RNF111: variants seen among roughly 807,000 people sequenced by gnomAD.
RNF111 encodes E3 ubiquitin-protein ligase Arkadia.
RNF111 carries 17 observed loss-of-function variants against 95.1 expected under a neutral mutation model. The observed-to-expected ratio is 0.18, with a 90% CI of 0.12 to 0.27. The LOEUF is 0.27. Ranked by LOEUF, RNF111 falls within the 10% of genes least tolerant of loss-of-function variation. The pLI is 1.00. For synonymous variants in RNF111, 440 were observed against 414.8 expected (o/e 1.06, Z -0.74); for missense variants, 1,189 against 1,210.4 (o/e 0.98, Z 0.26).
chr15:59,078,401 C>G (rs1596291082), intron 7 of RNF111, among the ~76,000 whole-genome samples: 1 of 151,932 alleles, frequency 6.6e-6, no homozygotes, highest in Non-Finnish European at 1.5e-5. Flanking sequence ...TAAGGCCTGG[C>G]TTGGTAGTAT....
intron 1 of RNF111, among the ~76,000 whole-genome samples, chr15:59,021,984 C>T (rs1173850211): frequency 2.6e-5 from 4 of 152,016 alleles, no homozygotes; most frequent in East Asian, 1.9e-4. Flanking sequence ...CTCAGCCTCC[C>T]GAGTAGCTGG....
At chr15:59,005,552 C>G (rs566484337) in intron 1 of RNF111, among the ~76,000 whole-genome samples, 21 of 152,254 alleles carry the variant, frequency 1.4e-4, no homozygotes, top group African/African-American at 4.8e-4. Context: ...GTTACTCCAA[C>G]CTTTGCTTTG....
chr15:59,054,140 T>C (rs1480650368), intron 3 of RNF111, among the ~76,000 whole-genome samples: 4 of 152,082 alleles, frequency 2.6e-5, no homozygotes, highest in African/African-American at 9.7e-5. Flanking sequence ...GGTTTCAGCA[T>C]ATTAGCCAGG....
intron 2 of RNF111, among the ~76,000 whole-genome samples, 186 bp downstream of exon 2, chr15:59,031,888 A>G (rs1487254062): frequency 6.6e-6 from 1 of 152,202 alleles, no homozygotes; most frequent in Non-Finnish European, 1.5e-5. Context: ...AAAAATTTAA[A>G]AAATTTCTAG....
intron 7 of RNF111, 98 bp from the exon 8 acceptor site, chr15:59,080,838 A>G: frequency 1.0e-6 from 1 of 952,986 alleles, no homozygotes; most frequent in Non-Finnish European, 1.6e-6. Flanking sequence ...TAAAAATAAA[A>G]TACTAATATG....
At chr15:59,005,427 C>T (rs1224707380) in intron 1 of RNF111, among the ~76,000 whole-genome samples, 1 of 152,210 alleles carries the variant, frequency 6.6e-6, no homozygotes, top group Admixed American at 6.5e-5. Context: ...TATTGGACTT[C>T]ATTCAAAGAG....
chr15:58,992,313 G>A (rs970059199), intron 1 of RNF111, among the ~76,000 whole-genome samples: 2 of 152,116 alleles, frequency 1.3e-5, no homozygotes, highest in Admixed American at 1.3e-4. Context: ...CCAAAGTGCT[G>A]GGATTACAGA....
Position 59,011,588 on chromosome 15 carries a change from C to A in RNF111, c.-19-19216C>A, listed in dbSNP as rs143313414. On this transcript the variant is annotated intron_variant, in intron 1 of 13. Coordinates refer to ENST00000348370, the MANE Select transcript of RNF111 (RefSeq NM_017610.8). ...GCAGGTTTGGTTTTTCCTGAGGCCC[C>A]TCTTCTTGGTTTATAAATGATCGCT... Among the ~76,000 whole-genome samples, 489 of 152,270 alleles carry A rather than the reference C, an allele frequency of 3.2e-3. 4 individuals carry two copies. The highest frequency in any genetic ancestry group is 0.011 in the African/African-American group (466 of 41,560).
rs151308359 is a variant in RNF111, at chr15:59,021,231, A to G, written c.-19-9573A>G. On this transcript the variant is annotated intron_variant, in intron 1 of 13. Coordinates refer to ENST00000348370, the MANE Select transcript of RNF111 (RefSeq NM_017610.8). Reference sequence around the variant, plus strand: ...AGTGATGCGATCTCGGCTCACTGCAAACTCCGCCTCGTGAGTTCAAGTGAT... The same window carrying G: ...AGTGATGCGATCTCGGCTCACTGCAGACTCCGCCTCGTGAGTTCAAGTGAT... Among the ~76,000 whole-genome samples the G allele has an allele frequency of 3.6e-3, 543 of 152,206 alleles. 4 individuals are homozygous for G. Among genetic ancestry groups the G allele is most frequent in the African/African-American group, 0.013 (522 of 41,506 alleles).
At chr15:59,044,294 G>A (rs1445161155) in intron 2 of RNF111, among the ~76,000 whole-genome samples, 2 of 152,208 alleles carry the variant, frequency 1.3e-5, no homozygotes, top group Non-Finnish European at 2.9e-5. Flanking sequence ...GCCTCCCAAA[G>A]TGCTGGGTTT....
chr15:58,997,203 G>T (rs969782979), intron 1 of RNF111, among the ~76,000 whole-genome samples: 1 of 152,184 alleles, frequency 6.6e-6, no homozygotes, highest in East Asian at 1.9e-4. Flanking sequence ...TATGACCCAA[G>T]TCTTTTCTCT....
intron 3 of RNF111, among the ~76,000 whole-genome samples, chr15:59,053,731 A>G (rs1316085817): frequency 2.0e-5 from 3 of 152,166 alleles, no homozygotes; most frequent in Admixed American, 6.5e-5. Context: ...GACTACTGAA[A>G]TTACAGACCT....
intron 5 of RNF111, among the ~76,000 whole-genome samples, chr15:59,062,459 C>T (rs1283680482): frequency 6.6e-6 from 1 of 152,152 alleles, no homozygotes. Context: ...TCCATGTGGT[C>T]CTTGTGTTAT....
intron 2 of RNF111, among the ~76,000 whole-genome samples, chr15:59,033,476 C>T (rs961909921): frequency 4.6e-5 from 7 of 152,096 alleles, no homozygotes; most frequent in Non-Finnish European, 1.0e-4. Context: ...CCAGAGATTT[C>T]CTGAGAATAA....
chr15:59,037,433 TCTATTCAGAGAACCTTA>T (rs2041232046), intron 2 of RNF111, among the ~76,000 whole-genome samples: 2 of 152,204 alleles, frequency 1.3e-5, no homozygotes, highest in Non-Finnish European at 2.9e-5. Context: ...ATTTCTAGGA[TCTATTCAGAGAACCTTA>T]CTGGAACTAA....
chr15:59,067,596 A>C (rs1241068732), intron 6 of RNF111, among the ~76,000 whole-genome samples: 1 of 152,188 alleles, frequency 6.6e-6, no homozygotes, highest in Non-Finnish European at 1.5e-5. Flanking sequence ...AGATGGACTA[A>C]ATTATTACAA....
At chr15:59,030,702 G>A (rs2040860608) in intron 1 of RNF111, 102 bp from the exon 2 acceptor site, 3 of 755,550 alleles carry the variant, frequency 4.0e-6, no homozygotes, top group Non-Finnish European at 6.1e-6. Context: ...AGACAGTTCT[G>A]CCTTTATAAG....
chr15:59,069,881 C>T (rs750229979), intron 6 of RNF111, among the ~76,000 whole-genome samples: 6 of 151,706 alleles, frequency 4.0e-5, no homozygotes, highest in East Asian at 1.9e-4. Flanking sequence ...CCAGATTGTG[C>T]GTAGTCAAAT....
At chr15:59,018,909 G>A (rs2040197218) in intron 1 of RNF111, among the ~76,000 whole-genome samples, 2 of 151,810 alleles carry the variant, frequency 1.3e-5, no homozygotes, top group African/African-American at 4.8e-5. Context: ...GCATATAACT[G>A]TATATTTGTT....
Sources: allele counts gnomAD v4.1 joint callset (sites outside exome capture counted in the v4.1 genomes callset), GRCh38; gene constraint gnomAD v4.1.1; transcripts MANE v1.5; gene names NCBI Gene and HGNC (gene_info 2026-07-23, HGNC 2026-07-21).